The following B4GALNT4 variants were observed in gnomAD, a reference collection of about 807,000 sequenced individuals.
B4GALNT4 encodes beta-1,4-N-acetyl-galactosaminyltransferase 4.
In B4GALNT4, 77 loss-of-function variants were observed where a neutral mutation model predicts 110.0. The observed-to-expected ratio is 0.70, with a 90% confidence interval of 0.58 to 0.85. B4GALNT4 has a LOEUF of 0.85. Among genes scored for constraint, B4GALNT4 ranks in the 40% least tolerant of loss-of-function variants. B4GALNT4 has a pLI of 0.00. For missense variants in B4GALNT4, 1,575 were observed against 1,506.0 expected (o/e 1.05, Z -0.76); for synonymous variants, 785 against 655.5 (o/e 1.20, Z -3.02).
At chr11:374,359 AGGC>A (rs1846681937) in intron 8 of B4GALNT4, among the ~76,000 whole-genome samples, 1 of 150,522 alleles carries the variant, frequency 6.6e-6, no homozygotes, top group Admixed American at 6.6e-5. Flanking sequence ...GGACGGGGGA[AGGC>A]GGAAGGGGTT....
chr11:373,070 G>T lies in B4GALNT4; in HGVS notation c.489G>T (p.Lys163Asn). 6.2e-7 allele frequency: 1 copy of T among 1,612,478 alleles called. No individual in the cohort carries two copies. Among genetic ancestry groups the T allele is most frequent in the African/African-American group, 1.3e-5 (1 of 74,926 alleles). The change falls in exon 5 of 20, where the codon AAG (lysine) becomes AAT (asparagine). Residue 163 changes from lysine to asparagine, a missense_variant. Coordinates refer to ENST00000329962, the MANE Select transcript of B4GALNT4 (RefSeq NM_178537.5). ...VKKLAVSPKWKNYGLRIFGFI... is the reference protein window; with the variant it reads ...VKKLAVSPKWNNYGLRIFGFI... The stretch of plus-strand genomic sequence containing the variant: ...AGTTGGCCGTGTCCCCCAAGTGGAA[G>T]AACTATGGACTCCGTATTTTTGGTT...
chr11:380,540 G>A, intron 18 of B4GALNT4, 95 bp downstream of exon 18: 1 of 1,470,458 alleles, frequency 6.8e-7, no homozygotes, highest in Non-Finnish European at 9.2e-7. Flanking sequence ...ATTCCCAGGG[G>A]AGGCCTGGGA....
At chr11:378,080 G>A (rs1469877736) in intron 14 of B4GALNT4, among the ~76,000 whole-genome samples, 2 of 152,126 alleles carry the variant, frequency 1.3e-5, no homozygotes, top group Non-Finnish European at 2.9e-5. Flanking sequence ...GTTGCGAGCA[G>A]AGCAAAGCCA....
In B4GALNT4 at chr11:376,031, C is replaced by T. The variant is rs770418402; in HGVS notation, c.1096-43C>T. ...TCTCCAGCCCCTTGGGAGGCCGCCC[C>T]GGGAGGTCCGCGCCCTGAGCCCTGC... On this transcript the variant is annotated intron_variant, in intron 11 of 19. Transcript: ENST00000329962. 2.5e-6 allele frequency: 4 copies of T among 1,601,760 alleles called. No homozygotes were observed. In the South Asian group the frequency reaches 3.3e-5, roughly 13 times the overall value.
intron 17 of B4GALNT4, 39 bp from the exon 18 acceptor site, chr11:380,253 G>A: frequency 1.9e-6 from 3 of 1,609,376 alleles, no homozygotes; most frequent in East Asian, 2.2e-5. Context: ...TGCCCGGGGA[G>A]GAGCGGAGGG....
In B4GALNT4 at chr11:373,188, T is replaced by C. The variant is rs1327171969; in HGVS notation, c.536-3T>C. On this transcript the variant is annotated splice_polypyrimidine_tract_variant and splice_region_variant and intron_variant, in intron 5 of 19. Transcript: ENST00000329962. ...CCCCCCTGAGCCTAGTCTTGTGGACTAGGAGACGTCCAGTTTTCTGTGGCC... is the reference window on the plus strand; with the variant it reads ...CCCCCCTGAGCCTAGTCTTGTGGACCAGGAGACGTCCAGTTTTCTGTGGCC... 1 of 1,612,398 alleles carries C rather than the reference T, an allele frequency of 6.2e-7. No homozygotes were observed. The highest frequency in any genetic ancestry group is 2.2e-5 in the East Asian group (1 of 44,858).
At position 372,696 on chromosome 11, in the gene B4GALNT4, G is replaced by C. The variant is rs1389772829; in HGVS notation, c.290G>C (p.Gly97Ala). 4 of 1,611,846 alleles carry C rather than the reference G, an allele frequency of 2.5e-6. No homozygotes were observed. The Admixed American group carries it at 5.0e-5, about 20-fold the overall frequency. ...CGGGACCTAGACATGCTGTTTCCTG[G>C]GGGGGCTGGGAGGCTGCCACTGAAC... ...EGRDLDMLFP[G>A]GAGRLPLNFT... Residue 97 changes from glycine (G) to alanine (A), a missense_variant, in exon 3 of 20, where the codon GGG (glycine) becomes GCG (alanine). Coordinates refer to ENST00000329962, the MANE Select transcript of B4GALNT4 (RefSeq NM_178537.5).
Position 376,854 on chromosome 11 carries a change from C to A in B4GALNT4, c.1731C>A (p.Arg577=). The change falls in exon 14 of 20, where the codon CGC becomes CGA. Residue 577 remains arginine (R), a synonymous_variant. Transcript: ENST00000329962. ...APPRPPRPHG[R]RTGGPQATQP... is the part of the protein sequence containing the mutation. ...CACGCCCACCCCGGCCCCACGGCCG[C>A]AGGACCGGCGGCCCCCAGGCCACAC... 3 of 1,325,818 alleles carry A rather than the reference C, an allele frequency of 2.3e-6. No homozygotes were observed. The highest frequency in any genetic ancestry group is 9.6e-7 in the Non-Finnish European group (1 of 1,039,640). The allele number at this position is 1,325,818 out of a possible 1,614,324, so 82.1% of individuals were successfully genotyped here. A position where few individuals can be genotyped will look rare whatever the true frequency, so the allele number is the denominator to read the frequency against.
chr11:372,082 G>A lies in B4GALNT4; in HGVS notation c.152-27G>A, dbSNP rs370151411. 180 of 1,538,574 alleles carry A rather than the reference G, an allele frequency of 1.2e-4. No homozygotes were observed. The African/African-American group carries it at 1.4e-3, about 12-fold the overall frequency. ...ATGGCCTTGGAGAGAGCCTGGGCCC[G>A]AGACAGGCCTCATGTGCCACCTGCA... is the stretch of plus-strand genomic sequence containing the variant. On this transcript the variant is annotated intron_variant, in intron 1 of 19. Coordinates refer to ENST00000329962, the MANE Select transcript of B4GALNT4 (RefSeq NM_178537.5).
intron 2 of B4GALNT4, 48 bp from the exon 3 acceptor site, chr11:372,614 C>T (rs1463871327): frequency 1.3e-6 from 2 of 1,490,798 alleles, no homozygotes; most frequent in African/African-American, 2.8e-5. Flanking sequence ...TGTGTGACCT[C>T]CTCCCTGCCC....
In B4GALNT4 at chr11:372,109, A is replaced by G; in HGVS notation, c.152A>G (p.Asp51Gly). 2.6e-6 allele frequency: 4 copies of G among 1,548,960 alleles called. No individual in the cohort carries two copies. The highest frequency in any genetic ancestry group is 3.5e-6 in the Non-Finnish European group (4 of 1,146,642). ...GACAGGCCTCATGTGCCACCTGCAG[A>G]TGGTGAGAAGCTGACCAGTGAGACC... ...ALRQRLGYGR[D>G]GEKLTSETDG... The change falls in exon 2 of 20, where the codon GAT becomes GGT. Residue 51 changes from aspartate (D) to glycine (G), a missense_variant and splice_region_variant. Transcript: ENST00000329962.
chr11:373,620 A>G (rs1392647843), intron 7 of B4GALNT4, 104 bp downstream of exon 7: 1 of 1,523,822 alleles, frequency 6.6e-7, no homozygotes, highest in Non-Finnish European at 9.0e-7. Context: ...CTGCACGAGC[A>G]CCCGCCCGGC....
chr11:381,623 G>A (rs752088472), intron 19 of B4GALNT4, 46 bp from the exon 20 acceptor site: 7 of 1,507,288 alleles, frequency 4.6e-6, no homozygotes, highest in Middle Eastern at 1.8e-4. Flanking sequence ...CCACCTCTCC[G>A]TCCCCAACCC....
chr11:373,873 C>T (rs1396703836), intron 8 of B4GALNT4, 45 bp downstream of exon 8: 2 of 1,582,026 alleles, frequency 1.3e-6, no homozygotes, highest in Non-Finnish European at 1.7e-6. Flanking sequence ...CTCCACTCCC[C>T]CCACCTCCCT....
chr11:377,052 C>CAGGAGGAAG lies in B4GALNT4; in HGVS notation c.1929_1930insAGGAGGAAG (p.Gly643_Glu644insArgArgLys). ...CCGGGCCGCAGCTGCCCGGGGAGGGCGAAGAGGAGGAGGAAGGGGAGGACG... is the reference window on the plus strand; with the variant it reads ...CCGGGCCGCAGCTGCCCGGGGAGGGCAGGAGGAAGGAAGAGGAGGAGGAAGGGGAGGACG... On this transcript the variant is annotated inframe_insertion, in exon 14 of 20. Coordinates refer to ENST00000329962, the MANE Select transcript of B4GALNT4 (RefSeq NM_178537.5). The CAGGAGGAAG allele has an allele frequency of 6.9e-7, 1 of 1,439,434 alleles. No homozygotes were observed. Among genetic ancestry groups the CAGGAGGAAG allele is most frequent in the Non-Finnish European group, 9.1e-7 (1 of 1,096,844 alleles). 89.2% of individuals were successfully genotyped at this position (1,439,434 alleles called of 1,614,324 possible).
At chr11:379,843 C>CA (rs1283388294) in intron 15 of B4GALNT4, 23 bp from the exon 16 acceptor site, 16 of 1,573,944 alleles carry the variant, frequency 1.0e-5, no homozygotes, top group Non-Finnish European at 1.3e-5. Flanking sequence ...GGCTCAGCGC[C>CA]CCCCCCGCCT....
chr11:373,701 T>C (rs778650760), intron 7 of B4GALNT4, 49 bp from the exon 8 acceptor site: 3 of 1,593,368 alleles, frequency 1.9e-6, no homozygotes, highest in South Asian at 2.2e-5. Flanking sequence ...CTGCCTCCAC[T>C]ATTTGAGCGT....
Position 376,761 on chromosome 11 carries a change from C to A in B4GALNT4, c.1638C>A (p.Pro546=). Residue 546 remains proline, a synonymous_variant, in exon 14 of 20, where the codon CCC becomes CCA. Coordinates refer to ENST00000329962, the MANE Select transcript of B4GALNT4 (RefSeq NM_178537.5). ...ASPRAPAPRA[P]WPPFPGVFLH... ...CCCGGGCCCCAGCGCCGCGTGCGCCCTGGCCGCCCTTCCCTGGCGTCTTCC... is the reference window on the plus strand; with the variant it reads ...CCCGGGCCCCAGCGCCGCGTGCGCCATGGCCGCCCTTCCCTGGCGTCTTCC... The A allele has an allele frequency of 7.2e-7, 1 of 1,387,892 alleles. No homozygotes were observed. 86.0% of individuals were successfully genotyped at this position (1,387,892 alleles called of 1,614,324 possible). A position where few individuals can be genotyped will look rare whatever the true frequency, so the allele number is the denominator to read the frequency against.
chr11:373,809 C>T lies in B4GALNT4; in HGVS notation c.764C>T (p.Ser255Leu), dbSNP rs144647644. ...ELLHKQDDRG[S>L]DHVEVGWRAF... ...CTGCACAAGCAGGACGACCGCGGCT[C>T]GGACCACGTGGAAGTGGGCGTGAGT... Residue 255 changes from serine (S) to leucine (L), a missense_variant, in exon 8 of 20, where the codon TCG becomes TTG. By Grantham distance (145) the Ser-to-Leu change is moderately radical. Transcript: ENST00000329962. 93 of 1,611,932 alleles carry T rather than the reference C, an allele frequency of 5.8e-5. No individual in the cohort carries two copies. The highest frequency in any genetic ancestry group is 2.6e-4 in the South Asian group (24 of 91,088).
Sources: allele counts gnomAD v4.1 joint callset (sites outside exome capture counted in the v4.1 genomes callset), GRCh38; gene constraint gnomAD v4.1.1; transcripts MANE v1.5; gene names NCBI Gene and HGNC (gene_info 2026-07-23, HGNC 2026-07-21).